Variants in DGKB observed in about 807,000 individuals in gnomAD.
DGKB encodes diacylglycerol kinase beta, also known as 90 kDa diacylglycerol kinase.
Under a neutral mutation model 114.3 loss-of-function variants are expected in DGKB, and 67 were observed. The ratio of observed to expected loss-of-function variants is 0.59; its 90% CI spans 0.48 to 0.72. The LOEUF is 0.72. Among genes scored for constraint, DGKB ranks in the 30% least tolerant of loss-of-function variants. The pLI, the probability that DGKB is intolerant of heterozygous loss-of-function variation, is 0.00. For synonymous variants in DGKB, 398 were observed against 323.1 expected (o/e 1.23, Z -2.49); for missense variants, 907 against 975.2 (o/e 0.93, Z 0.93).
At chr7:14,797,017 A>C (rs532261011) in intron 2 of DGKB, among the ~76,000 whole-genome samples, 2 of 152,360 alleles carry the variant, frequency 1.3e-5, no homozygotes, top group Admixed American at 6.5e-5. Flanking sequence ...GAAAACCCTC[A>C]GTCTTTTAAG....
At chr7:14,811,887 C>A (rs182801545) in intron 2 of DGKB, among the ~76,000 whole-genome samples, 20 of 127,344 alleles carry the variant, frequency 1.6e-4, no homozygotes, top group African/African-American at 7.0e-4. Flanking sequence ...CACTATGTAT[C>A]TTTAGAACTT....
intron 25 of DGKB, among the ~76,000 whole-genome samples, chr7:14,164,338 G>A (rs375954234): frequency 3.3e-5 from 5 of 152,190 alleles, no homozygotes; most frequent in Admixed American, 6.5e-5. Context: ...TGCTACAATC[G>A]CTGTGCAACT....
At chr7:14,688,623 A>T (rs1822136847) in intron 9 of DGKB, among the ~76,000 whole-genome samples, 1 of 152,200 alleles carries the variant, frequency 6.6e-6, no homozygotes, top group South Asian at 2.1e-4. Context: ...GTGTATTGTA[A>T]TGAAGCTGTT....
At chr7:14,622,116 TA>T (rs751989507) in intron 14 of DGKB, among the ~76,000 whole-genome samples, 4 of 152,110 alleles carry the variant, frequency 2.6e-5, no homozygotes, top group Non-Finnish European at 5.9e-5. Context: ...TATCTTTTAC[TA>T]AAATCACCAA....
chr7:14,775,541 GT>G (rs1371891662), intron 2 of DGKB, among the ~76,000 whole-genome samples: 8 of 151,874 alleles, frequency 5.3e-5, no homozygotes, highest in Non-Finnish European at 1.2e-4. Context: ...GAGCGACCTA[GT>G]GGGAGATAAT....
chr7:14,695,732 C>T (rs559003213), intron 8 of DGKB, among the ~76,000 whole-genome samples: 1 of 151,980 alleles, frequency 6.6e-6, no homozygotes, highest in Non-Finnish European at 1.5e-5. Flanking sequence ...TGGCCTCAAT[C>T]TCCTGACCTC....
intron 1 of DGKB, among the ~76,000 whole-genome samples, chr7:14,886,862 G>C (rs1258669980): frequency 6.6e-6 from 1 of 151,786 alleles, no homozygotes; most frequent in African/African-American, 2.4e-5. Context: ...AAACAGCCTT[G>C]CGCCATCTGA....
chr7:14,241,577 A>AAAAGCTT (rs1793648266), intron 23 of DGKB, among the ~76,000 whole-genome samples: 2 of 152,078 alleles, frequency 1.3e-5, no homozygotes, highest in South Asian at 4.1e-4. Context: ...ATTGCAAATG[A>AAAAGCTT]AAAGCTTTTT....
In DGKB at chr7:14,929,022, T is replaced by TACACACAC. The variant is rs3036022; in HGVS notation, c.-188+45666_-188+45673dup. The stretch of plus-strand genomic sequence containing the variant: ...TGGCTGAAAAGTACTGCATTGTGTA[T>TACACACAC]ACACACACACACACACACACACACA... On this transcript the variant is annotated intron_variant, in intron 1 of 4. Coordinates refer to the DGKB transcript ENST00000437998. Among the ~76,000 whole-genome samples, 595 of 146,834 alleles carry TACACACAC rather than the reference T, an allele frequency of 4.1e-3. 3 individuals are homozygous for TACACACAC. Among genetic ancestry groups the TACACACAC allele is most frequent in the African/African-American group, 0.011 (443 of 40,164 alleles).
At chr7:14,556,045 CTAAT>C (rs550476216) in intron 20 of DGKB, among the ~76,000 whole-genome samples, 97 of 152,244 alleles carry the variant, frequency 6.4e-4, no homozygotes, top group African/African-American at 2.2e-3. Context: ...AGTAATTTTT[CTAAT>C]TAATTATTTC....
rs1554292390 is a variant in DGKB, at chr7:14,825,036, A to ATATCTATC, written c.70+16157_70+16158insGATAGATA. On this transcript the variant is annotated intron_variant, in intron 2 of 25. Coordinates refer to ENST00000402815, the MANE Select transcript of DGKB (RefSeq NM_001350709.2). ...TGTATGTATATATATATATATATAT[A>ATATCTATC]TATATATATATATATATATATCACA... Among the ~76,000 whole-genome samples the ATATCTATC allele has an allele frequency of 1.6e-3, 226 of 142,548 alleles. 2 individuals are homozygous for ATATCTATC. Among genetic ancestry groups the ATATCTATC allele is most frequent in the African/African-American group, 5.6e-3 (221 of 39,498 alleles). 93.5% of individuals were successfully genotyped at this position (142,548 alleles called of 152,430 possible).
At chr7:14,321,588 T>C (rs112679360) in intron 23 of DGKB, among the ~76,000 whole-genome samples, 3 of 133,912 alleles carry the variant, frequency 2.2e-5, no homozygotes, top group African/African-American at 8.9e-5. Context: ...CTGGAGACTT[T>C]AAACAGAGAA....
At chr7:14,466,549 G>T (rs1051969267) in intron 21 of DGKB, among the ~76,000 whole-genome samples, 1 of 151,888 alleles carries the variant, frequency 6.6e-6, no homozygotes, top group Admixed American at 6.6e-5. Flanking sequence ...ATTCACTAGA[G>T]TGTAATTTAC....
intron 6 of DGKB, among the ~76,000 whole-genome samples, chr7:14,706,814 G>A (rs1161453920): frequency 2.7e-5 from 3 of 110,356 alleles, no homozygotes; most frequent in East Asian, 5.4e-4. Context: ...CGCATTCAAA[G>A]CAGTGTGTAG....
chr7:14,395,561 A>C (rs1822082997), intron 21 of DGKB, among the ~76,000 whole-genome samples: 2 of 151,900 alleles, frequency 1.3e-5, no homozygotes, highest in African/African-American at 4.8e-5. Flanking sequence ...GATGAGATTT[A>C]AACAAGAATT....
intron 22 of DGKB, among the ~76,000 whole-genome samples, chr7:14,339,494 A>G (rs996078440): frequency 3.9e-5 from 6 of 151,964 alleles, no homozygotes; most frequent in African/African-American, 1.4e-4. Flanking sequence ...GTGACAAAAC[A>G]CCCTGGTGAT....
At chr7:14,273,584 T>G (rs542321743) in intron 23 of DGKB, among the ~76,000 whole-genome samples, 22 of 152,308 alleles carry the variant, frequency 1.4e-4, no homozygotes, top group African/African-American at 5.1e-4. Context: ...GAAGTGCTAG[T>G]TTTGAGAATA....
At chr7:14,244,231 G>A (rs1382190632) in intron 23 of DGKB, among the ~76,000 whole-genome samples, 1 of 152,108 alleles carries the variant, frequency 6.6e-6, no homozygotes, top group Non-Finnish European at 1.5e-5. Context: ...TTAAACCACC[G>A]TTGCTCTTGT....
intron 25 of DGKB, chr7:14,176,191 GA>G (rs1390898400): frequency 4.9e-5 from 11 of 226,742 alleles, no homozygotes; most frequent in Non-Finnish European, 7.3e-5. Context: ...TAACTTGAAG[GA>G]AATTACACTG....
Sources: gnomAD v4.1 joint callset for allele counts (sites outside exome capture counted in the v4.1 genomes callset) on GRCh38, gnomAD v4.1.1 for gene constraint, MANE v1.5 for transcripts, NCBI Gene and HGNC (gene_info 2026-07-23, HGNC 2026-07-21) for gene names.